CIITA: variants seen among roughly 807,000 people sequenced by gnomAD.
CIITA encodes class II major histocompatibility complex transactivator, also known as MHC class II transactivator.
In CIITA, 72 loss-of-function variants were observed where a neutral mutation model predicts 115.1. The observed-to-expected ratio is 0.63, with a 90% CI of 0.52 to 0.76. CIITA has a LOEUF of 0.76. Among genes scored for constraint, CIITA ranks in the 30% least tolerant of loss-of-function variants. The pLI is 0.00. For missense variants in CIITA, 1,617 were observed against 1,463.8 expected (o/e 1.10, Z -1.71); for synonymous variants, 763 against 635.6 (o/e 1.20, Z -3.02).
intron 1 of CIITA, among the ~76,000 whole-genome samples, chr16:10,889,846 G>T (rs2037369408): frequency 6.6e-6 from 1 of 152,192 alleles, no homozygotes; most frequent in Non-Finnish European, 1.5e-5. Flanking sequence ...TGTTCAGAGA[G>T]GTCAAGTGAC....
rs150947929 is a variant in CIITA at position 10,930,062 on chromosome 16, T to C, written c.*6207T>C. 1 of 152,446 alleles carries C rather than the reference T, an allele frequency of 6.6e-6. No individual in the cohort carries two copies. Among genetic ancestry groups the C allele is most frequent in the African/African-American group, 2.4e-5 (1 of 41,574 alleles). 9.4% of individuals were successfully genotyped at this position (152,446 alleles called of 1,614,324 possible). A position where few individuals can be genotyped will look rare whatever the true frequency, so the allele number is the denominator to read the frequency against. ...CCCCACTTGGCTCTTTCTCCCAGGA[T>C]GCAGCATCATCTCCATGGCCTGGCC... On this transcript the variant is annotated 3_prime_UTR_variant, in exon 20 of 20. Coordinates refer to ENST00000324288, the MANE Select transcript of CIITA (RefSeq NM_000246.4).
Position 10,901,962 on chromosome 16 carries a change from G to A in CIITA, c.482-76G>A. ...TTCCTCTGTCAGGAGAGACATCCATGCCACTCCAGGGCCCTCCCCATCCCA... is the reference window on the plus strand; with the variant it reads ...TTCCTCTGTCAGGAGAGACATCCATACCACTCCAGGGCCCTCCCCATCCCA... On this transcript the variant is annotated intron_variant, in intron 6 of 19. Coordinates refer to ENST00000324288, the MANE Select transcript of CIITA (RefSeq NM_000246.4). This position sits in a 1 kb window ranked among gnomAD's most constrained non-coding sequence, Gnocchi z 6.8. 2.5e-6 allele frequency: 4 copies of A among 1,580,790 alleles called. No homozygotes were observed. The South Asian group carries it at 4.4e-5, about 17-fold the overall frequency.
In CIITA at chr16:10,923,339, G is replaced by A. The variant is rs957255635; in HGVS notation, c.*22+14G>A. 3 of 1,494,872 alleles carry A rather than the reference G, an allele frequency of 2.0e-6. No individual in the cohort carries two copies. The highest frequency in any genetic ancestry group is 1.7e-5 in the Admixed American group (1 of 59,714). 92.6% of individuals were successfully genotyped at this position (1,494,872 alleles called of 1,614,324 possible). A position where few individuals can be genotyped will look rare whatever the true frequency, so the allele number is the denominator to read the frequency against. On this transcript the variant is annotated intron_variant, in intron 19 of 19. Transcript: ENST00000324288. This position sits in a 1 kb window ranked among gnomAD's most constrained non-coding sequence, Gnocchi z 5.2. ...GCTCTGGACAGGGTAACCAGGGTGG[G>A]CTTGGGAGGGGAGAGCCGCAGTGGG... is the stretch of plus-strand genomic sequence containing the variant.
At chr16:10,918,313 T>C (rs370488493) in intron 15 of CIITA, 127 bp from the exon 16 acceptor site, 11 of 883,170 alleles carry the variant, frequency 1.2e-5, no homozygotes, top group South Asian at 1.2e-4. Context: ...TATCCTCCTA[T>C]TTACCGAGAG....
rs142469968 is a variant in CIITA, at chr16:10,898,979, T to A, written c.413T>A (p.Val138Asp). 6.2e-7 allele frequency: 1 copy of A among 1,613,998 alleles called. No homozygotes were observed. The highest frequency in any genetic ancestry group is 1.3e-5 in the African/African-American group (1 of 74,986). The change falls in exon 5 of 20, where the codon GTT (valine) becomes GAT (aspartate). Residue 138 changes from valine (V) to aspartate (D), a missense_variant. Coordinates refer to ENST00000324288, the MANE Select transcript of CIITA (RefSeq NM_000246.4). ...GAGAGTATGGAGATGCCAGCAGAAG[T>A]TGGGCAGAAAAGTCAGAAAAGACGT... The part of the protein sequence containing the change: ...IGESMEMPAE[V>D]GQKSQKRPFP...
chr16:10,905,000 C>T (rs45545642), intron 10 of CIITA, among the ~76,000 whole-genome samples, 188 bp downstream of exon 10: 8,557 of 152,230 alleles, frequency 0.056, 324 homozygotes, highest in Non-Finnish European at 0.082. Flanking sequence ...CTCCACCACT[C>T]CCTCAAATAA....
intron 3 of CIITA, among the ~76,000 whole-genome samples, chr16:10,897,336 C>G (rs1309744587): frequency 6.6e-6 from 1 of 152,276 alleles, no homozygotes; most frequent in East Asian, 1.9e-4. Flanking sequence ...CATAAAACCA[C>G]TAGTCTTACT....
At chr16:10,877,964 CATGGCAGCTA>C (rs2036001191) in intron 1 of CIITA, among the ~76,000 whole-genome samples, 1 of 152,178 alleles carries the variant, frequency 6.6e-6, no homozygotes, top group Non-Finnish European at 1.5e-5. Flanking sequence ...CTGAAGGCAG[CATGGCAGCTA>C]CACCGTTGGC....
intron 9 of CIITA, 77 bp from the exon 10 acceptor site, chr16:10,904,667 A>T: frequency 6.8e-7 from 1 of 1,480,598 alleles, no homozygotes; most frequent in South Asian, 1.1e-5. Flanking sequence ...GGCTGTAAGG[A>T]CTAAGTGGCC....
chr16:10,907,776 A>C lies in CIITA; in HGVS notation c.2284A>C (p.Ile762Leu). The stretch of plus-strand genomic sequence containing the variant: ...CGTGCCACGCTTTCTGGCTGGGCTG[A>C]TCTTCCAGCCTCCCGCCCGCTGCCT... ...EGVPRFLAGLIFQPPARCLGA... is the reference protein window; with the variant it reads ...EGVPRFLAGLLFQPPARCLGA... Residue 762 changes from isoleucine to leucine, a missense_variant, in exon 11 of 20, where the codon ATC (isoleucine) becomes CTC (leucine). By Grantham distance (5) the Ile-to-Leu change is conservative (BLOSUM62 2). Coordinates refer to ENST00000324288, the MANE Select transcript of CIITA (RefSeq NM_000246.4). This position sits in a 1 kb window ranked among gnomAD's most constrained non-coding sequence, Gnocchi z 5.0. 6 of 1,614,136 alleles carry C rather than the reference A, an allele frequency of 3.7e-6. No individual in the cohort carries two copies. Among genetic ancestry groups the C allele is most frequent in the Non-Finnish European group, 5.1e-6 (6 of 1,180,010 alleles).
At chr16:10,891,860 C>T (rs1332571236) in intron 1 of CIITA, among the ~76,000 whole-genome samples, 1 of 152,208 alleles carries the variant, frequency 6.6e-6, no homozygotes, top group Non-Finnish European at 1.5e-5. Context: ...TGGCTGGGAT[C>T]TCGCTGCAAG....
upstream of CIITA, among the ~76,000 whole-genome samples, chr16:10,873,892 T>C (rs186585697): frequency 4.6e-5 from 7 of 152,282 alleles, no homozygotes; most frequent in Admixed American, 3.3e-4. Context: ...GAACTGACTT[T>C]GTCCCAAGCA....
intron 15 of CIITA, among the ~76,000 whole-genome samples, chr16:10,917,691 G>C (rs948480499): frequency 6.6e-6 from 1 of 151,966 alleles, no homozygotes. Context: ...GGTTGGCCAG[G>C]CTGGTCTTGA....
Position 10,902,202 on chromosome 16 carries a change from G to C in CIITA, c.628+18G>C, listed in dbSNP as rs772772736. On this transcript the variant is annotated intron_variant, in intron 7 of 19. Coordinates refer to ENST00000324288, the MANE Select transcript of CIITA (RefSeq NM_000246.4). Reference sequence around the variant, plus strand: ...GATTCCCAGTATGTTAGGGGGCTTGGAGAGAGTGGGCTTTCTCCCTCTTGG... The same window carrying C: ...GATTCCCAGTATGTTAGGGGGCTTGCAGAGAGTGGGCTTTCTCCCTCTTGG... 1.9e-6 allele frequency: 3 copies of C among 1,613,886 alleles called. No individual in the cohort carries two copies. The South Asian group carries it at 3.3e-5, about 18-fold the overall frequency.
chr16:10,877,480 G>C, intron 1 of CIITA, 98 bp downstream of exon 1: 1 of 1,238,802 alleles, frequency 8.1e-7, no homozygotes, highest in Middle Eastern at 1.9e-4. Flanking sequence ...GGGGATGGGG[G>C]TGAGGATGGG....
chr16:10,873,975 T>C (rs1234001046), upstream of CIITA, among the ~76,000 whole-genome samples: 1 of 151,968 alleles, frequency 6.6e-6, no homozygotes, highest in African/African-American at 2.4e-5. Flanking sequence ...TTTTGTTGTG[T>C]TTTGTTTTTG....
chr16:10,881,894 A>G (rs1272786230), intron 1 of CIITA, among the ~76,000 whole-genome samples: 1 of 152,170 alleles, frequency 6.6e-6, no homozygotes, highest in Non-Finnish European at 1.5e-5. Context: ...GGGCTACTCT[A>G]GACACCGCCT....
intron 3 of CIITA, among the ~76,000 whole-genome samples, chr16:10,896,412 C>T (rs767731022): frequency 6.6e-6 from 1 of 152,218 alleles, no homozygotes; most frequent in Non-Finnish European, 1.5e-5. Context: ...TTTGCTAAGG[C>T]TTAAGCAGAG....
At chr16:10,917,216 C>T (rs1012807937) in intron 15 of CIITA, among the ~76,000 whole-genome samples, 14 of 152,152 alleles carry the variant, frequency 9.2e-5, no homozygotes, top group African/African-American at 3.1e-4. Flanking sequence ...CGCTCTGTCA[C>T]CCAGGGTGGA....
Sources: gnomAD v4.1 joint callset for allele counts (sites outside exome capture counted in the v4.1 genomes callset) on GRCh38, gnomAD v4.1.1 for gene constraint, Gnocchi (gnomAD v3.1) non-coding constraint, MANE v1.5 for transcripts, NCBI Gene and HGNC (gene_info 2026-07-23, HGNC 2026-07-21) for gene names.